The following RGS7 variants were observed in gnomAD, a reference collection of about 807,000 sequenced individuals.
RGS7 encodes the protein regulator of G protein signaling 7, also known as regulator of G-protein signaling 7.
A neutral mutation model predicts 81.1 loss-of-function variants in RGS7; 27 were observed. The ratio of observed to expected loss-of-function variants is 0.33; its 90% CI spans 0.25 to 0.46. The LOEUF is 0.46. Ranked by LOEUF, RGS7 falls within the 20% of genes least tolerant of loss-of-function variation. The pLI is 1.00. For synonymous variants in RGS7, 208 were observed against 207.7 expected (o/e 1.00, Z -0.01); for missense variants, 396 against 607.4 (o/e 0.65, Z 3.66).
In RGS7 at chr1:241,194,935, C is replaced by G. The variant is rs73130948; in HGVS notation, c.79-96173G>C. Among the ~76,000 whole-genome samples, 299 of 152,284 alleles carry G rather than the reference C, an allele frequency of 2.0e-3. 2 individuals carry two copies. Among genetic ancestry groups the G allele is most frequent in the Middle Eastern group, 6.8e-3 (2 of 294 alleles). On this transcript the variant is annotated intron_variant, in intron 2 of 18. Transcript: ENST00000440928. ...GATAAAGACTTAGGATATCACTCTG[C>G]AATCTACAGGGCTTCACCCTGCAAG... is the stretch of plus-strand genomic sequence containing the variant.
chr1:240,919,647 G>T (rs1673173878), intron 6 of RGS7: 4 of 459,892 alleles, frequency 8.7e-6, no homozygotes, highest in Non-Finnish European at 1.2e-5. Context: ...TCTTCTCCCT[G>T]CCCTCATGCC....
intron 10 of RGS7, 65 bp downstream of exon 10, chr1:240,827,033 A>T: frequency 7.7e-7 from 1 of 1,298,682 alleles, no homozygotes; most frequent in East Asian, 2.3e-5. Context: ...AAGTGTTTTT[A>T]TGGCTGACGT....
intron 2 of RGS7, among the ~76,000 whole-genome samples, chr1:241,308,722 C>T (rs1421804256): frequency 1.3e-5 from 2 of 152,132 alleles, no homozygotes; most frequent in African/African-American, 4.8e-5. Flanking sequence ...GCTGCAAGTA[C>T]TTACAGTGAG....
intron 9 of RGS7, among the ~76,000 whole-genome samples, chr1:240,861,619 T>C (rs1662209098): frequency 6.6e-6 from 1 of 152,196 alleles, no homozygotes; most frequent in African/African-American, 2.4e-5. Flanking sequence ...CAGAACCCAA[T>C]GTGTGGTAAA....
At chr1:240,830,287 C>A (rs2147814843) in intron 9 of RGS7, among the ~76,000 whole-genome samples, 1 of 152,320 alleles carries the variant, frequency 6.6e-6, no homozygotes, top group South Asian at 2.1e-4. Flanking sequence ...GAAGTTGGGA[C>A]AAAGGCTGCA....
At chr1:240,962,620 G>C (rs1681653444) in intron 4 of RGS7, among the ~76,000 whole-genome samples, 1 of 152,054 alleles carries the variant, frequency 6.6e-6, no homozygotes, top group South Asian at 2.1e-4. Flanking sequence ...AATTTCAACA[G>C]GGAAAAAATG....
chr1:240,898,828 T>C (rs1669506938), intron 6 of RGS7, among the ~76,000 whole-genome samples: 1 of 152,208 alleles, frequency 6.6e-6, no homozygotes, highest in Non-Finnish European at 1.5e-5. Flanking sequence ...GTTCAATTCC[T>C]GGATATCCTT....
Position 241,300,706 on chromosome 1 carries a change from C to T in RGS7, c.78+54993G>A, listed in dbSNP as rs375052165. Among the ~76,000 whole-genome samples the T allele has an allele frequency of 2.4e-4, 37 of 152,312 alleles. No individual in the cohort carries two copies. The South Asian group carries it at 7.2e-3, about 30-fold the overall frequency. On this transcript the variant is annotated intron_variant, in intron 2 of 18. Coordinates refer to ENST00000440928, the MANE Select transcript of RGS7 (RefSeq NM_001364886.1). ...ACTTCCAAGTTTTAGCAATTATGAA[C>T]AAAGCTGCTATAAACACTTGTGCAC...
chr1:240,918,338 A>G lies in RGS7; in HGVS notation c.385+12379T>C, dbSNP rs138756367. On this transcript the variant is annotated intron_variant, in intron 6 of 18. Coordinates refer to ENST00000440928, the MANE Select transcript of RGS7 (RefSeq NM_001364886.1). The stretch of plus-strand genomic sequence containing the variant: ...GTTCTCATGACATGCACCAAGATAG[A>G]CCACATTCTAGGTCATAAGACACAC... 1.1e-3 allele frequency among the ~76,000 whole-genome samples: 162 copies of G among 152,314 alleles called. 1 individual carries two copies. Among genetic ancestry groups the G allele is most frequent in the African/African-American group, 3.8e-3 (156 of 41,590 alleles).
rs373357799 is a variant in RGS7 at position 241,271,884 on chromosome 1, CGTGTGTGTGTGTGTGTGT to C, written c.78+83797_78+83814del. Among the ~76,000 whole-genome samples, 452 of 140,474 alleles carry C rather than the reference CGTGTGTGTGTGTGTGTGT, an allele frequency of 3.2e-3. 2 individuals carry two copies. The highest frequency in any genetic ancestry group is 7.5e-3 in the South Asian group (31 of 4,130). 92.2% of individuals were successfully genotyped at this position (140,474 alleles called of 152,430 possible). On this transcript the variant is annotated intron_variant, in intron 2 of 18. Coordinates refer to ENST00000440928, the MANE Select transcript of RGS7 (RefSeq NM_001364886.1). The surrounding 1 kb of genome is among the most constrained non-coding windows in gnomAD (Gnocchi z 4.6). Reference sequence around the variant, plus strand: ...AATCACACAAGCCAAATCTTTATAACGTGTGTGTGTGTGTGTGTGTGTGTGTGTGTGTGTGTGTGTGTG... The same window carrying C: ...AATCACACAAGCCAAATCTTTATAACGTGTGTGTGTGTGTGTGTGTGTGTG...
intron 2 of RGS7, among the ~76,000 whole-genome samples, chr1:241,328,814 C>A (rs1013406616): frequency 3.3e-5 from 5 of 152,140 alleles, no homozygotes; most frequent in Non-Finnish European, 7.4e-5. Flanking sequence ...TCCCTACCCC[C>A]AAATAAATCT....
chr1:241,041,479 G>T (rs1407617442), intron 3 of RGS7, among the ~76,000 whole-genome samples: 2 of 152,018 alleles, frequency 1.3e-5, no homozygotes, highest in Non-Finnish European at 2.9e-5. Flanking sequence ...ATTTTACATA[G>T]GAATGATCCA....
intron 6 of RGS7, among the ~76,000 whole-genome samples, chr1:240,875,078 C>T (rs547018552): frequency 6.6e-6 from 1 of 152,020 alleles, no homozygotes; most frequent in South Asian, 2.1e-4. Flanking sequence ...CAAAAAACTA[C>T]TCTCTTGGCA....
chr1:241,020,520 A>G (rs1321721921), intron 3 of RGS7, among the ~76,000 whole-genome samples: 1 of 152,200 alleles, frequency 6.6e-6, no homozygotes, highest in Non-Finnish European at 1.5e-5. Context: ...TAATCTAGGA[A>G]GATCTCATCT....
rs949691482 is a variant in RGS7 at position 241,357,175 on chromosome 1, G to A, written c.-327C>T. 2.0e-5 allele frequency: 3 copies of A among 152,038 alleles called. No individual in the cohort carries two copies. Among genetic ancestry groups the A allele is most frequent in the Non-Finnish European group, 4.4e-5 (3 of 68,048 alleles). 9.4% of individuals were successfully genotyped at this position (152,038 alleles called of 1,614,324 possible). The stretch of plus-strand genomic sequence containing the variant: ...TCCCTCCTCCGCTTCTTCTCCCGGG[G>A]ACTGGGACCAGCCGAGCGCGCGCGG... On this transcript the variant is annotated 5_prime_UTR_variant, in exon 1 of 19. Transcript: ENST00000440928.
chr1:241,350,334 C>T (rs1359752636), intron 2 of RGS7, among the ~76,000 whole-genome samples: 1 of 152,032 alleles, frequency 6.6e-6, no homozygotes. Flanking sequence ...AGACAACATC[C>T]TTTGGTCCAG....
intron 9 of RGS7, among the ~76,000 whole-genome samples, chr1:240,865,040 C>A (rs936924328): frequency 2.6e-5 from 4 of 151,796 alleles, no homozygotes; most frequent in African/African-American, 9.7e-5. Context: ...TTTCACCTGT[C>A]AAGTGAGATG....
At chr1:240,835,003 A>C (rs946626833) in intron 9 of RGS7, among the ~76,000 whole-genome samples, 3 of 151,978 alleles carry the variant, frequency 2.0e-5, no homozygotes, top group Non-Finnish European at 4.4e-5. Context: ...TAAATTATAA[A>C]ATTTTTAGAA....
At chr1:241,311,282 ACAGG>A (rs1299656936) in intron 2 of RGS7, among the ~76,000 whole-genome samples, 2 of 152,228 alleles carry the variant, frequency 1.3e-5, no homozygotes, top group African/African-American at 4.8e-5. Flanking sequence ...GAGAAAAGAA[ACAGG>A]GTGCAACGCT....
Sources: allele counts gnomAD v4.1 joint callset (sites outside exome capture counted in the v4.1 genomes callset), GRCh38; gene constraint gnomAD v4.1.1; non-coding constraint Gnocchi (gnomAD v3.1); transcripts MANE v1.5; gene names NCBI Gene and HGNC (gene_info 2026-07-23, HGNC 2026-07-21).